SLC2A9: variants seen among roughly 807,000 people sequenced by gnomAD.
SLC2A9 encodes the protein solute carrier family 2 member 9, also known as solute carrier family 2, facilitated glucose transporter member 9.
In SLC2A9, 39 loss-of-function variants were observed where a neutral mutation model predicts 50.6. The ratio of observed to expected loss-of-function variants is 0.77; its 90% CI spans 0.60 to 1.01. SLC2A9 has a LOEUF of 1.01. SLC2A9 is among the 50% of genes least tolerant of loss of function. The pLI, the probability that SLC2A9 is intolerant of heterozygous loss-of-function variation, is 0.00. For synonymous variants in SLC2A9, 324 were observed against 276.9 expected (o/e 1.17, Z -1.69); for missense variants, 686 against 677.6 (o/e 1.01, Z -0.14).
chr4:9,782,855 G>T (rs2108853811), intron 3 of SLC2A9: 2 of 1,611,758 alleles, frequency 1.2e-6, no homozygotes, highest in South Asian at 1.1e-5. Context: ...CCGGAGCAGC[G>T]CAGCCTGCGC....
At chr4:9,860,936 G>C (rs1053286529) in intron 10 of SLC2A9, among the ~76,000 whole-genome samples, 2 of 152,164 alleles carry the variant, frequency 1.3e-5, no homozygotes, top group Non-Finnish European at 2.9e-5. Flanking sequence ...CCTCCTTCTT[G>C]TCTCCTGATC....
intron 5 of SLC2A9, among the ~76,000 whole-genome samples, chr4:9,949,192 G>A (rs937576878): frequency 2.0e-5 from 3 of 152,068 alleles, no homozygotes; most frequent in Admixed American, 6.5e-5. Context: ...CCCTATAGAC[G>A]GAGCTCCTGA....
At chr4:9,833,730 G>C (rs1442382866) in intron 11 of SLC2A9, among the ~76,000 whole-genome samples, 1 of 152,316 alleles carries the variant, frequency 6.6e-6, no homozygotes, top group South Asian at 2.1e-4. Context: ...GGCGGACTTA[G>C]AACTGAGTGT....
chr4:9,934,497 T>C (rs918335752), intron 6 of SLC2A9, among the ~76,000 whole-genome samples: 1 of 152,202 alleles, frequency 6.6e-6, no homozygotes, highest in Non-Finnish European at 1.5e-5. Context: ...GGAGGAAGTT[T>C]CCATCCTGAC....
chr4:9,964,515 G>A lies in SLC2A9; in HGVS notation c.681+16077C>T, dbSNP rs80072678. Among the ~76,000 whole-genome samples, 1,483 of 152,274 alleles carry A rather than the reference G, an allele frequency of 9.7e-3. 30 individuals are homozygous for A. The highest frequency in any genetic ancestry group is 0.034 in the African/African-American group (1,423 of 41,548). Reference sequence around the variant, plus strand: ...ACAGAAAATGCCTGGGTCGTGCCCCGAAATGAATCTTCTTTTCAAAGAGAA... The same window carrying A: ...ACAGAAAATGCCTGGGTCGTGCCCCAAAATGAATCTTCTTTTCAAAGAGAA... On this transcript the variant is annotated intron_variant, in intron 5 of 11. Coordinates refer to ENST00000264784, the MANE Select transcript of SLC2A9 (RefSeq NM_020041.3).
chr4:9,832,210 T>C (rs1207819592), intron 11 of SLC2A9, among the ~76,000 whole-genome samples: 6 of 152,144 alleles, frequency 3.9e-5, no homozygotes, highest in Non-Finnish European at 7.4e-5. Context: ...CACATACACG[T>C]TGCTCCCATG....
intron 10 of SLC2A9, among the ~76,000 whole-genome samples, chr4:9,856,880 A>C (rs1236625873): frequency 6.6e-6 from 1 of 152,146 alleles, no homozygotes; most frequent in Non-Finnish European, 1.5e-5. Flanking sequence ...ACCAAATACC[A>C]CATGTTCTCA....
downstream of SLC2A9, among the ~76,000 whole-genome samples, chr4:9,795,051 A>G (rs1480132053): frequency 1.6e-5 from 2 of 122,876 alleles, no homozygotes; most frequent in Non-Finnish European, 3.2e-5. Context: ...TCACTCTGTC[A>G]CCCAGGCTGG....
intron 2 of SLC2A9, among the ~76,000 whole-genome samples, chr4:10,005,246 G>A (rs766488710): frequency 2.6e-4 from 40 of 152,220 alleles, no homozygotes; most frequent in Non-Finnish European, 5.6e-4. Flanking sequence ...AGACGGAGTG[G>A]GCTCAGTTAC....
chr4:9,977,041 C>T (rs1389540634), intron 5 of SLC2A9, among the ~76,000 whole-genome samples: 1 of 152,112 alleles, frequency 6.6e-6, no homozygotes, highest in Non-Finnish European at 1.5e-5. Flanking sequence ...TGCCTCTCTC[C>T]ATCCACACTG....
At chr4:10,022,027 C>CT (rs1296396788), upstream of SLC2A9, among the ~76,000 whole-genome samples, 1 of 152,040 alleles carries the variant, frequency 6.6e-6, no homozygotes, top group Admixed American at 6.6e-5. Context: ...TTAGTAGAGA[C>CT]TGTGTTTCAC....
chr4:9,991,093 A>C (rs1757635766), intron 3 of SLC2A9, among the ~76,000 whole-genome samples: 1 of 152,098 alleles, frequency 6.6e-6, no homozygotes, highest in African/African-American at 2.4e-5. Context: ...CCCTTACTTC[A>C]AGTTGGGTGA....
chr4:9,791,480 A>C (rs1392929043), intron 3 of SLC2A9, among the ~76,000 whole-genome samples: 1 of 152,168 alleles, frequency 6.6e-6, no homozygotes, highest in African/African-American at 2.4e-5. Context: ...GAGATTCTGA[A>C]CTTTAGTTGA....
At chr4:9,901,405 CAT>C (rs797010087) in intron 8 of SLC2A9, among the ~76,000 whole-genome samples, 193 of 152,258 alleles carry the variant, frequency 1.3e-3, no homozygotes, top group African/African-American at 4.2e-3. Context: ...TTCTAGAGCA[CAT>C]GTCAGTGTGA....
chr4:9,966,407 G>C (rs1247563360), intron 5 of SLC2A9, among the ~76,000 whole-genome samples: 1 of 152,176 alleles, frequency 6.6e-6, no homozygotes, highest in Admixed American at 6.5e-5. Flanking sequence ...TGTAATCCCA[G>C]CACTCTGATG....
chr4:9,828,019 C>T (rs1267426355), intron 11 of SLC2A9, among the ~76,000 whole-genome samples: 2 of 152,206 alleles, frequency 1.3e-5, no homozygotes, highest in African/African-American at 2.4e-5. Flanking sequence ...ATCCTCCACA[C>T]CCCCATCTGC....
At chr4:9,952,805 G>T (rs1360372691) in intron 5 of SLC2A9, among the ~76,000 whole-genome samples, 1 of 152,186 alleles carries the variant, frequency 6.6e-6, no homozygotes, top group South Asian at 2.1e-4. Context: ...GATTACCGGC[G>T]TGAGTCAGGT....
At chr4:9,824,225 C>T (rs1560154253), downstream of SLC2A9, among the ~76,000 whole-genome samples, 2 of 152,050 alleles carry the variant, frequency 1.3e-5, no homozygotes, top group East Asian at 3.9e-4. Flanking sequence ...CCCTTTGCCG[C>T]CTCAGGACGG....
chr4:9,896,065 C>T (rs1253343336), intron 8 of SLC2A9, among the ~76,000 whole-genome samples: 1 of 152,152 alleles, frequency 6.6e-6, no homozygotes, highest in Non-Finnish European at 1.5e-5. Context: ...GAAATAAAAC[C>T]ATTATGATTA....
Sources: allele counts gnomAD v4.1 joint callset (sites outside exome capture counted in the v4.1 genomes callset), GRCh38; gene constraint gnomAD v4.1.1; transcripts MANE v1.5; gene names NCBI Gene and HGNC (gene_info 2026-07-23, HGNC 2026-07-21).